The following TBC1D22A variants were observed in gnomAD, a reference collection of about 807,000 sequenced individuals.
The protein encoded by TBC1D22A is TBC1 domain family member 22A, also known as putative GTPase activator.
Under a neutral mutation model 60.2 loss-of-function variants are expected in TBC1D22A, and 38 were observed. That is an observed-to-expected ratio of 0.63 (90% confidence interval 0.49 to 0.83). TBC1D22A has a LOEUF of 0.83. Among genes scored for constraint, TBC1D22A ranks in the 40% least tolerant of loss-of-function variants. The pLI is 0.00. For synonymous variants in TBC1D22A, 302 were observed against 281.7 expected, an observed-to-expected ratio of 1.07 and a Z score of -0.72; for missense variants, 628 against 701.0, an observed-to-expected ratio of 0.90 and a Z score of 1.18.
intron 10 of TBC1D22A, among the ~76,000 whole-genome samples, chr22:47,019,441 T>C (rs569663216): frequency 6.6e-6 from 1 of 152,358 alleles, no homozygotes; most frequent in African/African-American, 2.4e-5. Context: ...GGCTGTAGTT[T>C]CTGTGACAGC....
At chr22:47,013,128 C>T (rs2061805072) in intron 10 of TBC1D22A, among the ~76,000 whole-genome samples, 1 of 152,246 alleles carries the variant, frequency 6.6e-6, no homozygotes, top group African/African-American at 2.4e-5. Flanking sequence ...TCCACTGCAT[C>T]TGTCCCAGTC....
intron 12 of TBC1D22A, among the ~76,000 whole-genome samples, chr22:47,160,026 G>A (rs1346408606): frequency 1.3e-5 from 2 of 151,598 alleles, no homozygotes; most frequent in East Asian, 1.9e-4. Flanking sequence ...ACACACATGT[G>A]CATCACACAC....
intron 7 of TBC1D22A, among the ~76,000 whole-genome samples, chr22:46,904,166 CCTACCTACCA>C (rs2069270099): frequency 1.4e-5 from 2 of 144,584 alleles, no homozygotes; most frequent in African/African-American, 5.1e-5. Context: ...TACCTACCTA[CCTACCTACCA>C]GTCTGAGAGC....
intron 5 of TBC1D22A, among the ~76,000 whole-genome samples, chr22:46,881,769 C>T (rs1231293116): frequency 6.6e-6 from 1 of 152,144 alleles, no homozygotes; most frequent in East Asian, 1.9e-4. Context: ...AGGGGGCAAG[C>T]GTTGGTTCTT....
chr22:46,874,892 C>A (rs2067480414), intron 4 of TBC1D22A, among the ~76,000 whole-genome samples: 1 of 152,136 alleles, frequency 6.6e-6, no homozygotes, highest in Non-Finnish European at 1.5e-5. Flanking sequence ...AGTGTCTGTT[C>A]ATGTCCTTTG....
At chr22:46,975,997 C>G (rs2074279630) in intron 9 of TBC1D22A, among the ~76,000 whole-genome samples, 1 of 152,192 alleles carries the variant, frequency 6.6e-6, no homozygotes, top group African/African-American at 2.4e-5. Flanking sequence ...GTCATTTCCC[C>G]TCCTTTACTA....
chr22:46,988,018 G>C (rs928737913), intron 9 of TBC1D22A, among the ~76,000 whole-genome samples: 2 of 151,966 alleles, frequency 1.3e-5, no homozygotes, highest in African/African-American at 4.8e-5. Context: ...ATCTTCATCA[G>C]GAATAGCTTC....
At chr22:47,043,634 G>A (rs941419272) in intron 11 of TBC1D22A, among the ~76,000 whole-genome samples, 1 of 152,142 alleles carries the variant, frequency 6.6e-6, no homozygotes, top group Non-Finnish European at 1.5e-5. Flanking sequence ...GGCTTCCTGG[G>A]GAGACATGTG....
chr22:46,811,043 A>C (rs2085355662), intron 4 of TBC1D22A, among the ~76,000 whole-genome samples: 1 of 152,240 alleles, frequency 6.6e-6, no homozygotes, highest in Non-Finnish European at 1.5e-5. Context: ...GCTGTCATCC[A>C]GGACAGCCTA....
intron 5 of TBC1D22A, among the ~76,000 whole-genome samples, chr22:46,882,520 C>T (rs1299423977): frequency 3.9e-5 from 6 of 152,182 alleles, no homozygotes; most frequent in African/African-American, 1.2e-4. Flanking sequence ...CTATGCCCGC[C>T]ACTGCAGGCA....
chr22:47,133,655 AC>A (rs1351763412), intron 12 of TBC1D22A, among the ~76,000 whole-genome samples: 1 of 152,062 alleles, frequency 6.6e-6, no homozygotes, highest in Non-Finnish European at 1.5e-5. Context: ...CCTGGGACTT[AC>A]CGGCGGCTCC....
chr22:47,012,022 G>GCC (rs1487857346), intron 10 of TBC1D22A, among the ~76,000 whole-genome samples: 6 of 151,536 alleles, frequency 4.0e-5, no homozygotes, highest in Non-Finnish European at 5.9e-5. Context: ...TCCCCACCCC[G>GCC]CCCCCAGCTG....
intron 1 of TBC1D22A, among the ~76,000 whole-genome samples, chr22:46,778,718 C>T (rs923071925): frequency 6.6e-6 from 1 of 152,010 alleles, no homozygotes; most frequent in Non-Finnish European, 1.5e-5. Flanking sequence ...TTTAAACAAG[C>T]AGAAGGAACA....
chr22:46,969,436 G>C (rs1602721126), intron 8 of TBC1D22A, among the ~76,000 whole-genome samples: 1 of 152,176 alleles, frequency 6.6e-6, no homozygotes, highest in South Asian at 2.1e-4. Flanking sequence ...GTTGATAAAG[G>C]GGGGCTTATT....
chr22:46,920,489 T>C (rs1398954623), intron 8 of TBC1D22A, among the ~76,000 whole-genome samples: 1 of 152,214 alleles, frequency 6.6e-6, no homozygotes, highest in Non-Finnish European at 1.5e-5. Context: ...ATATATTCCC[T>C]AAAACTCATG....
chr22:47,124,655 G>A (rs2066388632), intron 12 of TBC1D22A, among the ~76,000 whole-genome samples: 1 of 152,266 alleles, frequency 6.6e-6, no homozygotes, highest in African/African-American at 2.4e-5. Context: ...GCATGGAGGA[G>A]GCAAGCTGGT....
intron 4 of TBC1D22A, among the ~76,000 whole-genome samples, chr22:46,834,286 G>A (rs1346169589): frequency 2.6e-5 from 4 of 152,132 alleles, no homozygotes; most frequent in Non-Finnish European, 5.9e-5. Flanking sequence ...ATCCCCCCCA[G>A]CAGTAATACT....
In TBC1D22A at chr22:47,175,541, C is replaced by A. The variant is rs1480613806; in HGVS notation, c.*1915C>A. ...AACAGGAAGCTCCACGGAGTTCAGC[C>A]CTGTGTGCATTTCCTCATGTATGTA... On this transcript the variant is annotated 3_prime_UTR_variant, in exon 13 of 13. Coordinates refer to ENST00000337137, the MANE Select transcript of TBC1D22A (RefSeq NM_014346.5). 6.6e-6 allele frequency: 1 copy of A among 152,174 alleles called. No individual in the cohort carries two copies. Among genetic ancestry groups the A allele is most frequent in the Non-Finnish European group, 1.5e-5 (1 of 68,064 alleles). The allele number at this position is 152,174 out of a possible 1,614,324, so 9.4% of individuals were successfully genotyped here.
chr22:47,081,686 AGTT>A (rs2064473222), intron 11 of TBC1D22A, among the ~76,000 whole-genome samples: 1 of 152,258 alleles, frequency 6.6e-6, no homozygotes, highest in Non-Finnish European at 1.5e-5. Flanking sequence ...AAAATTTAGA[AGTT>A]GATATCATTT....
Sources: gnomAD v4.1 joint callset for allele counts (sites outside exome capture counted in the v4.1 genomes callset) on GRCh38, gnomAD v4.1.1 for gene constraint, MANE v1.5 for transcripts, NCBI Gene and HGNC (gene_info 2026-07-23, HGNC 2026-07-21) for gene names.